The following TXNDC16 variants were observed in gnomAD, a reference collection of about 807,000 sequenced individuals.
TXNDC16 encodes the protein thioredoxin domain-containing protein 16.
In TXNDC16, 74 loss-of-function variants were observed where a neutral mutation model predicts 85.6. The observed-to-expected ratio is 0.86, with a 90% confidence interval of 0.72 to 1.05. TXNDC16 has a LOEUF of 1.05. Ranked by LOEUF, TXNDC16 falls within the 50% of genes least tolerant of loss-of-function variation. TXNDC16 has a pLI of 0.00. For synonymous variants in TXNDC16, 335 were observed against 326.5 expected, an observed-to-expected ratio of 1.03 and a Z score of -0.28; for missense variants, 959 against 947.0, an observed-to-expected ratio of 1.01 and a Z score of -0.17.
chr14:52,513,472 C>A (rs4901281), intron 8 of TXNDC16, among the ~76,000 whole-genome samples: 18,683 of 152,024 alleles, frequency 0.12, 1,286 homozygotes, highest in Non-Finnish European at 0.15. Context: ...CATCTTGTTA[C>A]CCATGAAGAA....
chr14:52,469,321 T>C (rs1011808774), intron 16 of TXNDC16, among the ~76,000 whole-genome samples: 18 of 150,632 alleles, frequency 1.2e-4, no homozygotes, highest in African/African-American at 3.9e-4. Flanking sequence ...CACTCCAGCC[T>C]AGGTGACAGA....
At chr14:52,491,536 T>C (rs2036407841) in intron 9 of TXNDC16, among the ~76,000 whole-genome samples, 1 of 151,694 alleles carries the variant, frequency 6.6e-6, no homozygotes, top group African/African-American at 2.4e-5. Flanking sequence ...ACAGATTTTA[T>C]AAGAAGTTAA....
At chr14:52,551,206 G>A (rs1461212536) in intron 1 of TXNDC16, among the ~76,000 whole-genome samples, 1 of 151,658 alleles carries the variant, frequency 6.6e-6, no homozygotes, top group Non-Finnish European at 1.5e-5. Context: ...AGACTTTAAA[G>A]TTCCCTGTGG....
At chr14:52,441,768 G>A (rs951989828) in intron 18 of TXNDC16, among the ~76,000 whole-genome samples, 1 of 152,114 alleles carries the variant, frequency 6.6e-6, no homozygotes, top group Non-Finnish European at 1.5e-5. Context: ...AGGACAAAGA[G>A]GAAGCTTTCT....
intron 19 of TXNDC16, 32 bp downstream of exon 19, chr14:52,440,532 T>G (rs762604079): frequency 1.3e-6 from 2 of 1,515,298 alleles, no homozygotes; most frequent in South Asian, 1.3e-5. Context: ...TTTCTTTACC[T>G]CTTACATATT....
Position 52,491,112 on chromosome 14 carries a change from AAAT to A in TXNDC16, c.757-110_757-108del, listed in dbSNP as rs752572116. 1.9e-4 allele frequency: 235 copies of A among 1,264,960 alleles called. 1 individual carries two copies. The highest frequency in any genetic ancestry group is 2.4e-4 in the Non-Finnish European group (222 of 942,290). The allele number at this position is 1,264,960 out of a possible 1,614,324, so 78.4% of individuals were successfully genotyped here. A position where few individuals can be genotyped will look rare whatever the true frequency, so the allele number is the denominator to read the frequency against. Reference sequence around the variant, plus strand: ...AAAGTCATGAGTAAAAAAAAGTGTAAAATAATCCAACACTAACAGAAACGATCT... The same window carrying A: ...AAAGTCATGAGTAAAAAAAAGTGTAAAATCCAACACTAACAGAAACGATCT... On this transcript the variant is annotated intron_variant, in intron 9 of 20. Transcript: ENST00000281741.
rs191410827 is a variant in TXNDC16 at position 52,505,532 on chromosome 14, G to A, written c.756+5708C>T. Among the ~76,000 whole-genome samples the A allele has an allele frequency of 2.4e-3, 363 of 152,226 alleles. 2 individuals are homozygous for A. The highest frequency in any genetic ancestry group is 7.9e-3 in the African/African-American group (328 of 41,534). On this transcript the variant is annotated intron_variant, in intron 9 of 20. Coordinates refer to ENST00000281741, the MANE Select transcript of TXNDC16 (RefSeq NM_020784.3). ...TTGAAACCAATGAGAACAAAGACAT[G>A]ACATACCAGAATCTCTGGGACACAT... is the stretch of plus-strand genomic sequence containing the variant.
chr14:52,536,316 C>T (rs910903151), intron 6 of TXNDC16, among the ~76,000 whole-genome samples: 3 of 152,186 alleles, frequency 2.0e-5, no homozygotes, highest in Non-Finnish European at 2.9e-5. Flanking sequence ...TCTTGGACGT[C>T]CCAGATTCCA....
At chr14:52,472,544 G>GT (rs1227016812) in intron 14 of TXNDC16, among the ~76,000 whole-genome samples, 1 of 152,068 alleles carries the variant, frequency 6.6e-6, no homozygotes, top group African/African-American at 2.4e-5. Context: ...CACAATGTCT[G>GT]TTACACAGTA....
In TXNDC16 at chr14:52,432,576, C is replaced by T; in HGVS notation, c.2206G>A (p.Ala736Thr). The part of the protein sequence containing the change: ...GLENHITILP[A>T]QEWKPPLPAY... ...GGAAGAGGAGGTTTCCATTCTTGAG[C>T]AGGTAAAATTGCTGGAAGGAAGAAA... Residue 736 changes from alanine (A) to threonine (T), a missense_variant, in exon 21 of 21, where the codon GCT becomes ACT. Physicochemically the swap from Ala to Thr is moderately conservative, Grantham distance 58. Transcript: ENST00000281741. 6.2e-7 allele frequency: 1 copy of T among 1,603,430 alleles called. No individual in the cohort carries two copies. The highest frequency in any genetic ancestry group is 8.5e-7 in the Non-Finnish European group (1 of 1,175,578).
chr14:52,480,879 T>C (rs1445234365), intron 14 of TXNDC16, among the ~76,000 whole-genome samples: 1 of 151,068 alleles, frequency 6.6e-6, no homozygotes, highest in Non-Finnish European at 1.5e-5. Context: ...CAGCACAATT[T>C]GCAATTGCAA....
At chr14:52,551,191 A>T (rs539007637) in intron 1 of TXNDC16, among the ~76,000 whole-genome samples, 11 of 152,266 alleles carry the variant, frequency 7.2e-5, no homozygotes, top group African/African-American at 2.4e-4. Context: ...CAGAATCTAC[A>T]AAATAGACTT....
intron 6 of TXNDC16, among the ~76,000 whole-genome samples, chr14:52,533,662 C>T (rs2037634364): frequency 6.6e-6 from 1 of 152,172 alleles, no homozygotes; most frequent in Non-Finnish European, 1.5e-5. Context: ...GGTGCTGGCT[C>T]AACAATGTTA....
chr14:52,435,921 G>C (rs1321642099), intron 20 of TXNDC16, among the ~76,000 whole-genome samples: 2 of 152,126 alleles, frequency 1.3e-5, no homozygotes, highest in Non-Finnish European at 2.9e-5. Flanking sequence ...CGGGGCTGTA[G>C]TGTGTGATGA....
At chr14:52,525,845 T>C (rs887083479) in intron 6 of TXNDC16, among the ~76,000 whole-genome samples, 11 of 151,836 alleles carry the variant, frequency 7.2e-5, no homozygotes, top group Non-Finnish European at 1.0e-4. Flanking sequence ...CCAAAACCCA[T>C]GGATGCTCAA....
intron 7 of TXNDC16, among the ~76,000 whole-genome samples, chr14:52,518,528 C>T (rs1295187273): frequency 1.3e-5 from 2 of 152,174 alleles, no homozygotes; most frequent in African/African-American, 4.8e-5. Flanking sequence ...ACTCAGTTAG[C>T]TTTACTTCCC....
intron 6 of TXNDC16, among the ~76,000 whole-genome samples, chr14:52,534,752 A>G (rs906330849): frequency 1.3e-5 from 2 of 152,194 alleles, no homozygotes; most frequent in African/African-American, 4.8e-5. Flanking sequence ...TTTTCTGTTT[A>G]TCTGTCTGTG....
rs570350265 is a variant in TXNDC16 at position 52,491,182 on chromosome 14, TTTTG to T, written c.757-181_757-178del. Reference sequence around the variant, plus strand: ...TAATGCTCCCAATGCACCTATATAGTTTTGTTTGTTTGTTTTTTGAGACAGAATC... The same window carrying T: ...TAATGCTCCCAATGCACCTATATAGTTTTGTTTGTTTTTTGAGACAGAATC... On this transcript the variant is annotated intron_variant, in intron 9 of 20. Transcript: ENST00000281741. 4.9e-4 allele frequency among the ~76,000 whole-genome samples: 75 copies of T among 151,928 alleles called. 2 individuals are homozygous for T. In the South Asian group the frequency reaches 9.1e-3, roughly 19 times the overall value.
At chr14:52,435,141 A>T (rs186051714) in intron 20 of TXNDC16, among the ~76,000 whole-genome samples, 37 of 152,300 alleles carry the variant, frequency 2.4e-4, no homozygotes, top group Admixed American at 1.7e-3. Flanking sequence ...GGAAACTATT[A>T]AACTCATTTT....
Sources: allele counts gnomAD v4.1 joint callset (sites outside exome capture counted in the v4.1 genomes callset), GRCh38; gene constraint gnomAD v4.1.1; transcripts MANE v1.5; gene names NCBI Gene and HGNC (gene_info 2026-07-23, HGNC 2026-07-21).